EEIG2: variants seen among roughly 807,000 people sequenced by gnomAD.
EEIG2 encodes EEIG family member 2.
At chr1:108,601,025 T>G in the EEIG2 span, among the ~76,000 whole-genome samples, 1 of 152,146 alleles carries the variant, frequency 6.6e-6, no homozygotes, top group Non-Finnish European at 1.5e-5. Context: ...ATGTGTAATA[T>G]ATCTAATAAC....
At chr1:108,628,003 A>G in the EEIG2 span, 1 of 602,550 alleles carries the variant, frequency 1.7e-6, no homozygotes, top group East Asian at 2.8e-5. Context: ...ATATCTTGCA[A>G]TACAGTTACT....
At chr1:108,624,587 A>C in the EEIG2 span, 2 of 1,466,400 alleles carry the variant, frequency 1.4e-6, no homozygotes, top group East Asian at 4.5e-5. Context: ...ACCAATCAAT[A>C]ACTATTGTAA....
chr1:108,631,033 T>G, the EEIG2 span: 1 of 222,066 alleles, frequency 4.5e-6, no homozygotes, highest in Non-Finnish European at 9.7e-6. Context: ...TCAGATATCA[T>G]AAGTAGGTAA....
the EEIG2 span, among the ~76,000 whole-genome samples, chr1:108,610,526 G>T: frequency 7.9e-5 from 12 of 152,280 alleles, no homozygotes; most frequent in East Asian, 2.3e-3. Context: ...TCATAATAGG[G>T]TGCACTGATA....
the EEIG2 span, among the ~76,000 whole-genome samples, chr1:108,629,189 C>T: frequency 6.6e-6 from 1 of 152,148 alleles, no homozygotes; most frequent in African/African-American, 2.4e-5. Context: ...ATCCTTCATT[C>T]CCTCCTTAGA....
chr1:108,631,825 A>G, the EEIG2 span, among the ~76,000 whole-genome samples: 4 of 152,194 alleles, frequency 2.6e-5, no homozygotes, highest in Middle Eastern at 0.014. Context: ...ACAAAGAAGT[A>G]ATTTGAGGCT....
chr1:108,572,957 C>T, the EEIG2 span, among the ~76,000 whole-genome samples: 1 of 152,328 alleles, frequency 6.6e-6, no homozygotes, highest in Non-Finnish European at 1.5e-5. Flanking sequence ...CTTTTTAGCA[C>T]TGAATAATAG....
chr1:108,604,146 C>G, the EEIG2 span, among the ~76,000 whole-genome samples: 1 of 152,200 alleles, frequency 6.6e-6, no homozygotes, highest in South Asian at 2.1e-4. Context: ...GTTTAAATGA[C>G]AAGACCAGCC....
the EEIG2 span, among the ~76,000 whole-genome samples, chr1:108,606,463 G>A: frequency 2.0e-5 from 3 of 152,176 alleles, no homozygotes. Flanking sequence ...TTTAGATTCA[G>A]CCTCCCTGCT....
chr1:108,637,618 T>G, the EEIG2 span: 1 of 152,186 alleles, frequency 6.6e-6, no homozygotes, highest in African/African-American at 2.4e-5. Flanking sequence ...TCACCCAGTG[T>G]TGAAGAATTT....
chr1:108,579,766 T>TGAGAGAGAGAGA, the EEIG2 span, among the ~76,000 whole-genome samples: 118 of 14,804 alleles, frequency 8.0e-3, no homozygotes, highest in Non-Finnish European at 0.016. Context: ...TGTGTGTGTG[T>TGAGAGAGAGAGA]GTGTGTGAGA....
chr1:108,632,307 G>A, the EEIG2 span, among the ~76,000 whole-genome samples: 1 of 152,054 alleles, frequency 6.6e-6, no homozygotes, highest in African/African-American at 2.4e-5. Flanking sequence ...AGGGGGTTGT[G>A]AAAGGGTATT....
At chr1:108,563,589 AAT>A in the EEIG2 span, among the ~76,000 whole-genome samples, 1 of 152,154 alleles carries the variant, frequency 6.6e-6, no homozygotes, top group Non-Finnish European at 1.5e-5. Context: ...GAGAGACCCA[AAT>A]ATATATAGGT....
the EEIG2 span, among the ~76,000 whole-genome samples, chr1:108,598,853 C>T: frequency 6.6e-6 from 1 of 152,046 alleles, no homozygotes; most frequent in African/African-American, 2.4e-5. Flanking sequence ...AAAAACCAGG[C>T]CAGGTGGCTT....
the EEIG2 span, among the ~76,000 whole-genome samples, chr1:108,617,456 T>C: frequency 6.6e-6 from 1 of 152,136 alleles, no homozygotes; most frequent in Non-Finnish European, 1.5e-5. Flanking sequence ...ATTGGGAGCT[T>C]GGGTGTTAGA....
At chr1:108,596,485 C>G in the EEIG2 span, among the ~76,000 whole-genome samples, 2 of 151,960 alleles carry the variant, frequency 1.3e-5, no homozygotes, top group African/African-American at 4.8e-5. Flanking sequence ...AGGTAGAGGG[C>G]AAGGGAGCTT....
the EEIG2 span, among the ~76,000 whole-genome samples, chr1:108,620,951 A>G: frequency 6.6e-6 from 1 of 152,172 alleles, no homozygotes; most frequent in Non-Finnish European, 1.5e-5. Context: ...AAGCCAGGGA[A>G]ATCTTTACTG....
At chr1:108,606,722 A>G in the EEIG2 span, among the ~76,000 whole-genome samples, 1 of 152,264 alleles carries the variant, frequency 6.6e-6, no homozygotes, top group African/African-American at 2.4e-5. Context: ...AGAAATTCAC[A>G]TAGTCCTTTT....
the EEIG2 span, among the ~76,000 whole-genome samples, chr1:108,620,009 G>T: frequency 6.6e-6 from 1 of 152,204 alleles, no homozygotes; most frequent in African/African-American, 2.4e-5. Context: ...ACTTCCAGAA[G>T]TCCCTAAAGG....
Sources: allele counts gnomAD v4.1 joint callset (sites outside exome capture counted in the v4.1 genomes callset), GRCh38; gene constraint gnomAD v4.1.1; transcripts MANE v1.5; gene names NCBI Gene and HGNC (gene_info 2026-07-23, HGNC 2026-07-21).